The following FRY variants were observed in gnomAD, a reference collection of about 807,000 sequenced individuals.
FRY encodes the protein protein furry homolog.
In FRY, 128 loss-of-function variants were observed where a neutral mutation model predicts 348.4. The ratio of observed to expected loss-of-function variants is 0.37; its 90% CI spans 0.32 to 0.43. The LOEUF is 0.43. Ranked by LOEUF, FRY falls within the 20% of genes least tolerant of loss-of-function variation. FRY has a pLI of 1.00. For synonymous variants in FRY, 1,370 were observed against 1,374.7 expected (o/e 1.00, Z 0.08); for missense variants, 2,736 against 3,695.2 (o/e 0.74, Z 6.73).
intron 4 of FRY, among the ~76,000 whole-genome samples, chr13:32,123,063 A>G (rs548294524): frequency 7.0e-4 from 106 of 152,370 alleles, no homozygotes; most frequent in African/African-American, 2.4e-3. Flanking sequence ...ATGGAAACAT[A>G]TCCCATGCTC....
chr13:32,041,482 C>T (rs535069031), intron 1 of FRY, among the ~76,000 whole-genome samples: 5 of 151,882 alleles, frequency 3.3e-5, no homozygotes, highest in African/African-American at 7.2e-5. Flanking sequence ...TTAGTGGAGA[C>T]GGGGTTTCAC....
At position 32,249,423 on chromosome 13, in the gene FRY, A is replaced by G. The variant is rs894668017; in HGVS notation, c.7009-103A>G. On this transcript the variant is annotated intron_variant, in intron 48 of 60. Coordinates refer to ENST00000542859, the MANE Select transcript of FRY (RefSeq NM_023037.3). ...TGTAACACTGAACTTCTCTAATCTG[A>G]TTTTTAATCAAATAAGCAGCTCTTG... 107 of 1,264,072 alleles carry G rather than the reference A, an allele frequency of 8.5e-5. 1 individual carries two copies. Among genetic ancestry groups the G allele is most frequent in the Non-Finnish European group, 1.2e-4 (103 of 892,630 alleles). 78.3% of individuals were successfully genotyped at this position (1,264,072 alleles called of 1,614,324 possible).
chr13:32,095,337 C>CTTTTTTTTTTTTTTTTTTT (rs61006034), intron 2 of FRY, among the ~76,000 whole-genome samples: 1 of 58,292 alleles, frequency 1.7e-5, no homozygotes, highest in Non-Finnish European at 2.9e-5. Flanking sequence ...TGTATGGAAG[C>CTTTTTTTTTTTTTTTTTTT]TTTTTTTTTT....
chr13:32,145,669 C>A lies in FRY; in HGVS notation c.1180-1613C>A, dbSNP rs910794484. 1.5e-3 allele frequency among the ~76,000 whole-genome samples: 231 copies of A among 151,134 alleles called. 1 individual carries two copies. Among genetic ancestry groups the A allele is most frequent in the African/African-American group, 5.1e-3 (210 of 41,110 alleles). On this transcript the variant is annotated intron_variant, in intron 11 of 60. Transcript: ENST00000542859. ...ACGCCATTCTCCTGCCTCAGCCTCC[C>A]GAGTAGCTGGGACTACAGGCGCCCG... is the stretch of plus-strand genomic sequence containing the variant.
intron 1 of FRY, among the ~76,000 whole-genome samples, chr13:32,048,531 A>G (rs1037737720): frequency 6.6e-6 from 1 of 152,234 alleles, no homozygotes; most frequent in Admixed American, 6.5e-5. Context: ...TTATTTTTAA[A>G]TCATTCAGCA....
Position 32,237,244 on chromosome 13 carries a change from G to GA in FRY, c.5811-130dup. 1 of 909,820 alleles carries GA rather than the reference G, an allele frequency of 1.1e-6. No homozygotes were observed. The highest frequency in any genetic ancestry group is 1.7e-5 in the African/African-American group (1 of 60,054). The allele number at this position is 909,820 out of a possible 1,614,324, so 56.4% of individuals were successfully genotyped here. ...TGTTTTTTATAGCTTTAAAGATAAG[G>GA]AAAAATAAATGAATAGAAAGTGGCA... On this transcript the variant is annotated intron_variant, in intron 43 of 60. Transcript: ENST00000542859. The surrounding 1 kb of genome is among the most constrained non-coding windows in gnomAD (Gnocchi z 6.3).
At chr13:32,079,663 A>G (rs2138533492) in intron 2 of FRY, among the ~76,000 whole-genome samples, 1 of 152,300 alleles carries the variant, frequency 6.6e-6, no homozygotes, top group East Asian at 1.9e-4. Context: ...TAAGGCAGGC[A>G]TGAGTCTGCC....
intron 3 of FRY, among the ~76,000 whole-genome samples, chr13:32,105,138 A>G (rs1304512860): frequency 1.3e-5 from 2 of 152,168 alleles, no homozygotes; most frequent in Non-Finnish European, 2.9e-5. Flanking sequence ...GTACCCTCCA[A>G]AATTCAGCTG....
chr13:32,247,503 G>T lies in FRY; in HGVS notation c.7008+1G>T, dbSNP rs1886870509. ...GGACTTCCACTTCGATATTTCGGAGGTACTTAGCTATGTTAACTATTTCTG... is the reference window on the plus strand; with the variant it reads ...GGACTTCCACTTCGATATTTCGGAGTTACTTAGCTATGTTAACTATTTCTG... On this transcript the variant is annotated splice_donor_variant, in intron 48 of 60. Coordinates refer to ENST00000542859, the MANE Select transcript of FRY (RefSeq NM_023037.3). LOFTEE classifies it high-confidence loss of function. 1 of 1,608,158 alleles carries T rather than the reference G, an allele frequency of 6.2e-7. No homozygotes were observed. Among genetic ancestry groups the T allele is most frequent in the Admixed American group, 1.7e-5 (1 of 60,000 alleles).
intron 14 of FRY, among the ~76,000 whole-genome samples, chr13:32,154,558 T>C (rs1053978752): frequency 6.6e-6 from 1 of 152,200 alleles, no homozygotes; most frequent in Admixed American, 6.5e-5. Context: ...TGAGAATACT[T>C]TACCCTGTAA....
chr13:32,292,622 C>T (rs946069638), intron 59 of FRY, among the ~76,000 whole-genome samples: 10 of 151,636 alleles, frequency 6.6e-5, no homozygotes, highest in Admixed American at 1.3e-4. Flanking sequence ...TGAAACCCTG[C>T]CTCTACTAAA....
chr13:32,076,916 T>C (rs1362599008), intron 1 of FRY, among the ~76,000 whole-genome samples: 1 of 152,180 alleles, frequency 6.6e-6, no homozygotes, highest in Non-Finnish European at 1.5e-5. Context: ...TCATAGGTAA[T>C]GTAGGATATA....
chr13:32,197,599 T>C (rs1281381928), intron 29 of FRY, among the ~76,000 whole-genome samples: 1 of 152,230 alleles, frequency 6.6e-6, no homozygotes, highest in Non-Finnish European at 1.5e-5. Context: ...GGGCTGATGA[T>C]AGGGTTAGAG....
At chr13:32,268,975 GA>G (rs1211910465) in intron 55 of FRY, among the ~76,000 whole-genome samples, 1 of 152,158 alleles carries the variant, frequency 6.6e-6, no homozygotes, top group Non-Finnish European at 1.5e-5. Flanking sequence ...ACTTTGAATA[GA>G]CTTGAATTTT....
chr13:32,078,002 A>G lies in FRY; in HGVS notation c.71-832A>G, dbSNP rs1268903009. Among the ~76,000 whole-genome samples, 5 of 152,202 alleles carry G rather than the reference A, an allele frequency of 3.3e-5. No individual in the cohort carries two copies. In the East Asian group the frequency reaches 9.6e-4, roughly 29 times the overall value. ...CAAGGGCTTGTGTGGGAGGGGTGGT[A>G]GAATTTAACATATCAAAGTACTGTA... On this transcript the variant is annotated intron_variant, in intron 1 of 60. Transcript: ENST00000542859.
intron 17 of FRY, among the ~76,000 whole-genome samples, chr13:32,163,538 T>C (rs981409929): frequency 2.6e-5 from 4 of 152,206 alleles, no homozygotes; most frequent in Admixed American, 6.5e-5. Context: ...AGTTTTCAGT[T>C]AAATTGAAGT....
chr13:32,057,682 G>C (rs542809240), intron 1 of FRY, among the ~76,000 whole-genome samples: 1 of 152,258 alleles, frequency 6.6e-6, no homozygotes, highest in Admixed American at 6.5e-5. Context: ...GCAGTCAGCC[G>C]GGCATGGTGG....
chr13:32,258,866 T>A (rs1887477438), intron 51 of FRY, among the ~76,000 whole-genome samples: 1 of 152,122 alleles, frequency 6.6e-6, no homozygotes, highest in African/African-American at 2.4e-5. Context: ...TCTACGTATA[T>A]CAGACTTACT....
intron 1 of FRY, among the ~76,000 whole-genome samples, chr13:32,063,173 G>A (rs994774690): frequency 2.0e-5 from 3 of 152,126 alleles, no homozygotes; most frequent in African/African-American, 7.2e-5. Flanking sequence ...TCAAAAGATG[G>A]CAGTTGCTGG....
Sources: gnomAD v4.1 joint callset for allele counts (sites outside exome capture counted in the v4.1 genomes callset) on GRCh38, gnomAD v4.1.1 for gene constraint, Gnocchi (gnomAD v3.1) non-coding constraint, MANE v1.5 for transcripts, NCBI Gene and HGNC (gene_info 2026-07-23, HGNC 2026-07-21) for gene names.